Variants in MSRB3 observed in about 807,000 individuals in gnomAD.
MSRB3 encodes the protein methionine-R-sulfoxide reductase B3.
Under a neutral mutation model 21.0 loss-of-function variants are expected in MSRB3, and 13 were observed. That is an observed-to-expected ratio of 0.62 (90% CI 0.40 to 0.98). The LOEUF is 0.98. MSRB3 is among the 50% of genes least tolerant of loss of function. The pLI is 0.00. For synonymous variants in MSRB3, 87 were observed against 88.6 expected (o/e 0.98, Z 0.10); for missense variants, 199 against 230.3 (o/e 0.86, Z 0.88).
Position 65,392,438 on chromosome 12 carries a change from C to G in MSRB3, c.292+23412C>G, listed in dbSNP as rs1879533010. Among the ~76,000 whole-genome samples, 3 of 152,306 alleles carry G rather than the reference C, an allele frequency of 2.0e-5. No homozygotes were observed. The South Asian group carries it at 6.2e-4, about 32-fold the overall frequency. On this transcript the variant is annotated intron_variant, in intron 5 of 6. Transcript: ENST00000308259. Reference sequence around the variant, plus strand: ...AGGACTGAGGAATGAGTGGATTTAACTAGCTCTAATCCCATATATTACAGT... The same window carrying G: ...AGGACTGAGGAATGAGTGGATTTAAGTAGCTCTAATCCCATATATTACAGT...
At chr12:65,292,229 G>A (rs1411823832) in intron 1 of MSRB3, among the ~76,000 whole-genome samples, 1 of 152,056 alleles carries the variant, frequency 6.6e-6, no homozygotes, top group Non-Finnish European at 1.5e-5. Context: ...TCTAGAAATT[G>A]TCTTTTCTCT....
chr12:65,282,636 C>T (rs1052414181), intron 1 of MSRB3, among the ~76,000 whole-genome samples: 2 of 151,742 alleles, frequency 1.3e-5, no homozygotes, highest in African/African-American at 4.8e-5. Flanking sequence ...CTAGAACATT[C>T]CCTGTCTCTA....
At chr12:65,387,540 A>G (rs1879254789) in intron 5 of MSRB3, among the ~76,000 whole-genome samples, 1 of 152,108 alleles carries the variant, frequency 6.6e-6, no homozygotes, top group South Asian at 2.1e-4. Flanking sequence ...ATTGCTTATT[A>G]ACTTATTTTT....
At chr12:65,372,775 G>C (rs1385402080) in intron 5 of MSRB3, among the ~76,000 whole-genome samples, 1 of 152,182 alleles carries the variant, frequency 6.6e-6, no homozygotes, top group Non-Finnish European at 1.5e-5. Context: ...TTGCATGATA[G>C]GCTATATAAA....
At chr12:65,339,742 T>C (rs897383648) in intron 4 of MSRB3, among the ~76,000 whole-genome samples, 18 of 152,202 alleles carry the variant, frequency 1.2e-4, no homozygotes, top group Non-Finnish European at 2.2e-4. Flanking sequence ...ACAGGTTCCT[T>C]AAATGATAAC....
chr12:65,440,583 G>C (rs1224372235), intron 5 of MSRB3, among the ~76,000 whole-genome samples: 2 of 151,788 alleles, frequency 1.3e-5, no homozygotes, highest in South Asian at 2.1e-4. Context: ...AATATCAAAA[G>C]ACTATATAAT....
rs530831104 is a variant in MSRB3, at chr12:65,456,631, C to T, written c.390+2806C>T. Among the ~76,000 whole-genome samples the T allele has an allele frequency of 6.6e-4, 101 of 152,338 alleles. 1 individual carries two copies. The South Asian group carries it at 0.017, about 26-fold the overall frequency. On this transcript the variant is annotated intron_variant, in intron 6 of 6. Coordinates refer to ENST00000308259, the MANE Select transcript of MSRB3 (RefSeq NM_001031679.3). The stretch of plus-strand genomic sequence containing the variant: ...TGATGAACCAACACTGACCTGCTCC[C>T]TTTTGGCTTCTTTTTCCACAGCCTT...
chr12:65,344,442 A>G (rs1282463135), intron 4 of MSRB3, among the ~76,000 whole-genome samples: 1 of 151,944 alleles, frequency 6.6e-6, no homozygotes, highest in African/African-American at 2.4e-5. Flanking sequence ...GACAATGGAT[A>G]ATTGATAGTT....
chr12:65,302,163 T>A (rs1873373371), intron 1 of MSRB3, among the ~76,000 whole-genome samples: 1 of 152,144 alleles, frequency 6.6e-6, no homozygotes, highest in Non-Finnish European at 1.5e-5. Context: ...TTGATATTTA[T>A]AATCATGTAA....
intron 5 of MSRB3, among the ~76,000 whole-genome samples, chr12:65,398,163 A>G (rs976187592): frequency 3.3e-5 from 5 of 152,206 alleles, no homozygotes; most frequent in African/African-American, 1.2e-4. Flanking sequence ...TTCTGGTTCT[A>G]GATCCTTGAG....
chr12:65,445,712 C>T (rs1224774632), intron 5 of MSRB3, among the ~76,000 whole-genome samples: 1 of 149,510 alleles, frequency 6.7e-6, no homozygotes, highest in Non-Finnish European at 1.5e-5. Flanking sequence ...GTGACACAAT[C>T]TTGGCTCACT....
chr12:65,464,460 AAAAG>A lies in MSRB3; in HGVS notation c.*1143_*1146del, dbSNP rs1883480067. The A allele has an allele frequency of 6.6e-6, 1 of 152,244 alleles. No individual in the cohort carries two copies. The highest frequency in any genetic ancestry group is 1.5e-5 in the Non-Finnish European group (1 of 68,088). The allele number at this position is 152,244 out of a possible 1,614,324, so 9.4% of individuals were successfully genotyped here. A position where few individuals can be genotyped will look rare whatever the true frequency, so the allele number is the denominator to read the frequency against. ...TGAGATCCTGTCAAAAAAGAAAAGA[AAAAG>A]AAAGCAGCATTCAAATGTAAGACAA... On this transcript the variant is annotated 3_prime_UTR_variant, in exon 7 of 7. Coordinates refer to ENST00000308259, the MANE Select transcript of MSRB3 (RefSeq NM_001031679.3).
At chr12:65,299,508 A>G (rs765214743) in intron 1 of MSRB3, among the ~76,000 whole-genome samples, 6 of 152,234 alleles carry the variant, frequency 3.9e-5, no homozygotes, top group Non-Finnish European at 8.8e-5. Context: ...TTGTCTTTAA[A>G]GGAGATGAGC....
At chr12:65,435,960 C>T (rs1882096284) in intron 5 of MSRB3, among the ~76,000 whole-genome samples, 1 of 151,760 alleles carries the variant, frequency 6.6e-6, no homozygotes, top group Admixed American at 6.6e-5. Flanking sequence ...CCATTTAATA[C>T]ATCCTACTTA....
intron 5 of MSRB3, among the ~76,000 whole-genome samples, chr12:65,421,321 T>G (rs950896698): frequency 1.3e-5 from 2 of 152,238 alleles, no homozygotes. Flanking sequence ...TTTGTTTTTT[T>G]CTTGTACATT....
chr12:65,333,874 C>G (rs560146858), intron 4 of MSRB3, among the ~76,000 whole-genome samples: 39 of 152,272 alleles, frequency 2.6e-4, no homozygotes, highest in Non-Finnish European at 4.7e-4. Context: ...ATAATAATCA[C>G]CAAATACGTA....
At chr12:65,279,072 G>T (rs1260057250) in intron 1 of MSRB3, 2 of 1,412,408 alleles carry the variant, frequency 1.4e-6, no homozygotes, top group Non-Finnish European at 1.8e-6. Flanking sequence ...ACGGAAGGAG[G>T]TCAGGGCTGG....
chr12:65,434,274 G>T (rs1209716000), intron 5 of MSRB3, among the ~76,000 whole-genome samples: 1 of 151,792 alleles, frequency 6.6e-6, no homozygotes, highest in Non-Finnish European at 1.5e-5. Flanking sequence ...TTCCTCCTTT[G>T]ATCCTTCTGC....
intron 4 of MSRB3, among the ~76,000 whole-genome samples, chr12:65,360,160 T>C (rs1005081683): frequency 6.6e-6 from 1 of 152,156 alleles, no homozygotes; most frequent in Non-Finnish European, 1.5e-5. Context: ...CATTTTAACT[T>C]GATTAACTCT....
Sources: allele counts gnomAD v4.1 joint callset (sites outside exome capture counted in the v4.1 genomes callset), GRCh38; gene constraint gnomAD v4.1.1; transcripts MANE v1.5; gene names NCBI Gene and HGNC (gene_info 2026-07-23, HGNC 2026-07-21).